Variants in LRRC8A observed in about 807,000 individuals in gnomAD.
The protein encoded by LRRC8A is volume-regulated anion channel subunit LRRC8A.
LRRC8A carries 24 observed loss-of-function variants against 52.5 expected under a neutral mutation model. That is an observed-to-expected ratio of 0.46 (90% CI 0.33 to 0.64). LRRC8A has a LOEUF of 0.64. Ranked by LOEUF, LRRC8A falls within the 30% of genes least tolerant of loss-of-function variation. LRRC8A has a pLI of 0.02. For missense variants in LRRC8A, 677 were observed against 1,094.7 expected, an observed-to-expected ratio of 0.62 and a Z score of 5.38; for synonymous variants, 492 against 494.2, an observed-to-expected ratio of 1.00 and a Z score of 0.06.
intron 2 of LRRC8A, among the ~76,000 whole-genome samples, chr9:128,896,621 A>G (rs1049287597): frequency 2.0e-5 from 3 of 152,148 alleles, no homozygotes; most frequent in Non-Finnish European, 4.4e-5. Context: ...TGAATTGCCT[A>G]TGCGTATATT....
chr9:128,891,805 T>G (rs1588201257), intron 2 of LRRC8A, among the ~76,000 whole-genome samples: 1 of 152,108 alleles, frequency 6.6e-6, no homozygotes, highest in East Asian at 1.9e-4. Flanking sequence ...GGGTCCCAGG[T>G]GGGTCCGGGA....
Position 128,908,326 on chromosome 9 carries a change from A to G in LRRC8A, c.1162A>G (p.Lys388Glu), listed in dbSNP as rs1006929985. Residue 388 changes from lysine to glutamate, a missense_variant, in exon 3 of 4, where the codon AAG becomes GAG. Lys to Glu is a moderately conservative substitution (Grantham distance 56, BLOSUM62 1). Around this residue, in one of 4 missense-constraint regions of LRRC8A, gnomAD observed 422 missense variants for 741.5 expected, o/e 0.57. Coordinates refer to ENST00000372600, the MANE Select transcript of LRRC8A (RefSeq NM_019594.4). ...LIDQYDPLYS[K>E]RFAVFLSEVS... is the part of the protein sequence containing the mutation. ...TGACCAATACGACCCGCTCTACTCCAAGCGCTTCGCCGTCTTCCTGTCGGA... is the reference window on the plus strand; with the variant it reads ...TGACCAATACGACCCGCTCTACTCCGAGCGCTTCGCCGTCTTCCTGTCGGA... 6.2e-7 allele frequency: 1 copy of G among 1,614,062 alleles called. No individual in the cohort carries two copies. Among genetic ancestry groups the G allele is most frequent in the Non-Finnish European group, 8.5e-7 (1 of 1,180,016 alleles).
At chr9:128,914,369 G>GTCC (rs1191998738) in intron 3 of LRRC8A, among the ~76,000 whole-genome samples, 7 of 146,400 alleles carry the variant, frequency 4.8e-5, no homozygotes, top group Non-Finnish European at 9.1e-5. Context: ...CTGCAAAACG[G>GTCC]TCCTCAGCCA....
Position 128,899,233 on chromosome 9 carries a change from C to T in LRRC8A, c.-8-7924C>T, listed in dbSNP as rs771859661. Among the ~76,000 whole-genome samples, 5 of 152,292 alleles carry T rather than the reference C, an allele frequency of 3.3e-5. No individual in the cohort carries two copies. The highest frequency in any genetic ancestry group is 7.3e-5 in the Non-Finnish European group (5 of 68,034). On this transcript the variant is annotated intron_variant, in intron 2 of 3. Coordinates refer to ENST00000372600, the MANE Select transcript of LRRC8A (RefSeq NM_019594.4). This position sits in a 1 kb window ranked among gnomAD's most constrained non-coding sequence, Gnocchi z 4.0. ...AAGCTGTTCCACAGCTCCGCCAGGACGCAGTGCCAGCTGAGAGGGCCGAGC... is the reference window on the plus strand; with the variant it reads ...AAGCTGTTCCACAGCTCCGCCAGGATGCAGTGCCAGCTGAGAGGGCCGAGC...
At chr9:128,886,209 A>T (rs538332356) in intron 2 of LRRC8A, 88 bp downstream of exon 2, 1 of 152,598 alleles carries the variant, frequency 6.6e-6, no homozygotes, top group African/African-American at 2.4e-5. Context: ...TAGCATCTCC[A>T]TCCCCACAGT....
rs779436649 is a variant in LRRC8A at position 128,909,199 on chromosome 9, A to G, written c.2035A>G (p.Thr679Ala). Residue 679 changes from threonine (T) to alanine (A), a missense_variant, in exon 3 of 4, where the codon ACC becomes GCC. By Grantham distance (58) the Thr-to-Ala change is moderately conservative (BLOSUM62 0). Transcript: ENST00000372600. ...LNRNKIEKIP[T>A]QLFYCRKLRY... ...CCGCAACAAGATCGAGAAGATCCCC[A>G]CCCAGCTCTTCTACTGCCGCAAGCT... The G allele has an allele frequency of 2.0e-5, 33 of 1,613,986 alleles. 1 individual carries two copies. The South Asian group carries it at 3.6e-4, about 18-fold the overall frequency.
In LRRC8A at chr9:128,911,919, A is replaced by AG. The variant is rs1840553291; in HGVS notation, c.2157+2598_2157+2599insG. 6.6e-6 allele frequency among the ~76,000 whole-genome samples: 1 copy of AG among 152,208 alleles called. No homozygotes were observed. ...CCCTCTTCCTCCTCACTCGGGCTTG[A>AG]TGGCTCCTTCTCAGCCACCTTGGCC... On this transcript the variant is annotated intron_variant, in intron 3 of 3. Coordinates refer to ENST00000372600, the MANE Select transcript of LRRC8A (RefSeq NM_019594.4). This position sits in a 1 kb window ranked among gnomAD's most constrained non-coding sequence, Gnocchi z 4.9.
At chr9:128,909,998 A>T (rs1840437696) in intron 3 of LRRC8A, among the ~76,000 whole-genome samples, 1 of 152,192 alleles carries the variant, frequency 6.6e-6, no homozygotes, top group Admixed American at 6.5e-5. Flanking sequence ...CACACCTTCG[A>T]CATACTTTCA....
Position 128,907,083 on chromosome 9 carries a change from T to G in LRRC8A, c.-8-74T>G, listed in dbSNP as rs528015988. On this transcript the variant is annotated intron_variant, in intron 2 of 3. Transcript: ENST00000372600. This position sits in a 1 kb window ranked among gnomAD's most constrained non-coding sequence, Gnocchi z 9.3. Reference sequence around the variant, plus strand: ...GGACAATGGAAGAATTTTCATTGTCTTCTTCCCCTGACCCCTGGTCCTAGG... The same window carrying G: ...GGACAATGGAAGAATTTTCATTGTCGTCTTCCCCTGACCCCTGGTCCTAGG... The G allele has an allele frequency of 2.4e-6, 3 of 1,227,250 alleles. No individual in the cohort carries two copies. In the African/African-American group the frequency reaches 4.5e-5, roughly 18 times the overall value. The allele number at this position is 1,227,250 out of a possible 1,614,324, so 76.0% of individuals were successfully genotyped here.
At chr9:128,887,262 G>A (rs759573442) in intron 2 of LRRC8A, among the ~76,000 whole-genome samples, 6 of 151,932 alleles carry the variant, frequency 3.9e-5, no homozygotes, top group South Asian at 2.1e-4. Flanking sequence ...AGGCTCCAGC[G>A]ATCCTCCTGC....
At chr9:128,896,075 C>G (rs1343876551) in intron 2 of LRRC8A, among the ~76,000 whole-genome samples, 1 of 152,210 alleles carries the variant, frequency 6.6e-6, no homozygotes, top group Non-Finnish European at 1.5e-5. Context: ...ATTTTCTTCC[C>G]TCCCTAGATA....
chr9:128,882,533 C>T (rs1219785722), intron 1 of LRRC8A: 3 of 395,880 alleles, frequency 7.6e-6, no homozygotes, highest in Non-Finnish European at 1.3e-5. Context: ...TCCGCCTCGG[C>T]TCCCCCATGT....
intron 1 of LRRC8A, chr9:128,885,005 T>A (rs1292031333): frequency 6.6e-6 from 1 of 152,182 alleles, no homozygotes; most frequent in Non-Finnish European, 1.5e-5. Context: ...TCAGTCCAGG[T>A]GTCTTTGTCT....
Position 128,899,807 on chromosome 9 carries a change from G to A in LRRC8A, c.-8-7350G>A, listed in dbSNP as rs540432973. On this transcript the variant is annotated intron_variant, in intron 2 of 3. Coordinates refer to ENST00000372600, the MANE Select transcript of LRRC8A (RefSeq NM_019594.4). This position sits in a 1 kb window ranked among gnomAD's most constrained non-coding sequence, Gnocchi z 4.0. ...TTTAACGAGATGAAGAGAGTTCTGTGTATGGTGGTGATGGTTGCACAACAG... is the reference window on the plus strand; with the variant it reads ...TTTAACGAGATGAAGAGAGTTCTGTATATGGTGGTGATGGTTGCACAACAG... 6.6e-6 allele frequency among the ~76,000 whole-genome samples: 1 copy of A among 152,304 alleles called. No homozygotes were observed. The highest frequency in any genetic ancestry group is 6.5e-5 in the Admixed American group (1 of 15,294).
At chr9:128,883,380 C>A (rs4836632) in intron 1 of LRRC8A, among the ~76,000 whole-genome samples, 5 of 152,130 alleles carry the variant, frequency 3.3e-5, no homozygotes, top group African/African-American at 1.2e-4. Context: ...CTGTAAGAAG[C>A]GGGAGGAGAT....
chr9:128,892,882 GT>G lies in LRRC8A; in HGVS notation c.-9+6765del, dbSNP rs1839679602. Among the ~76,000 whole-genome samples the G allele has an allele frequency of 6.6e-6, 1 of 152,172 alleles. No homozygotes were observed. The highest frequency in any genetic ancestry group is 1.5e-5 in the Non-Finnish European group (1 of 68,034). Reference sequence around the variant, plus strand: ...TCCCGCCTCCCCTCCTGCTTGGGAAGTTTTCCTGGCTCAGCCTTGTTTGTGC... The same window carrying G: ...TCCCGCCTCCCCTCCTGCTTGGGAAGTTTCCTGGCTCAGCCTTGTTTGTGC... On this transcript the variant is annotated intron_variant, in intron 2 of 3. Coordinates refer to ENST00000372600, the MANE Select transcript of LRRC8A (RefSeq NM_019594.4). The surrounding 1 kb of genome is among the most constrained non-coding windows in gnomAD (Gnocchi z 5.2).
intron 1 of LRRC8A, among the ~76,000 whole-genome samples, chr9:128,883,145 G>C (rs1417916713): frequency 6.6e-6 from 1 of 152,148 alleles, no homozygotes; most frequent in Non-Finnish European, 1.5e-5. Flanking sequence ...GGAAGGGTGG[G>C]CGGTTCCTGG....
chr9:128,907,533 G>A lies in LRRC8A; in HGVS notation c.369G>A (p.Lys123=), dbSNP rs750127644. Residue 123 remains lysine, a synonymous_variant, in exon 3 of 4, where the codon AAG becomes AAA. Coordinates refer to ENST00000372600, the MANE Select transcript of LRRC8A (RefSeq NM_019594.4). This position sits in a 1 kb window ranked among gnomAD's most constrained non-coding sequence, Gnocchi z 9.3. The part of the protein sequence containing the change: ...CYENRLHWFA[K]YFPYLVLLHT... ...AGAACCGACTGCACTGGTTTGCCAAGTACTTCCCCTACCTGGTGCTTCTGC... is the reference window on the plus strand; with the variant it reads ...AGAACCGACTGCACTGGTTTGCCAAATACTTCCCCTACCTGGTGCTTCTGC... The A allele has an allele frequency of 1.1e-5, 17 of 1,614,046 alleles. No individual in the cohort carries two copies. The Admixed American group carries it at 2.7e-4, about 25-fold the overall frequency.
At chr9:128,890,160 GT>G (rs1342945410) in intron 2 of LRRC8A, among the ~76,000 whole-genome samples, 2 of 151,470 alleles carry the variant, frequency 1.3e-5, no homozygotes, top group East Asian at 3.9e-4. Flanking sequence ...GTGTGTGTGT[GT>G]GTGTGTGTGC....
Sources: allele counts gnomAD v4.1 joint callset (sites outside exome capture counted in the v4.1 genomes callset), GRCh38; gene constraint gnomAD v4.1.1; regional missense constraint gnomAD v4.1.1; non-coding constraint Gnocchi (gnomAD v3.1); transcripts MANE v1.5; gene names NCBI Gene and HGNC (gene_info 2026-07-23, HGNC 2026-07-21).